MYO18B: variants seen among roughly 807,000 people sequenced by gnomAD.
MYO18B encodes myosin XVIIIB.
MYO18B carries 204 observed loss-of-function variants against 273.0 expected under a neutral mutation model. That is an observed-to-expected ratio of 0.75 (90% CI 0.67 to 0.84). The LOEUF is 0.84. Ranked by LOEUF, MYO18B falls within the 40% of genes least tolerant of loss-of-function variation. The pLI is 0.00. For synonymous variants in MYO18B, 1,330 were observed against 1,305.7 expected, an observed-to-expected ratio of 1.02 and a Z score of -0.40; for missense variants, 3,212 against 3,287.6, an observed-to-expected ratio of 0.98 and a Z score of 0.56.
chr22:25,826,668 G>A (rs1041325395), intron 14 of MYO18B, among the ~76,000 whole-genome samples, 169 bp downstream of exon 14: 6 of 152,160 alleles, frequency 3.9e-5, no homozygotes, highest in Admixed American at 2.6e-4. Flanking sequence ...CTGTGAGGTC[G>A]GCAAATCAGT....
chr22:25,891,248 G>T, intron 26 of MYO18B, 56 bp from the exon 27 acceptor site: 1 of 1,291,820 alleles, frequency 7.7e-7, no homozygotes, highest in South Asian at 1.3e-5. Flanking sequence ...TGGGTAAGAT[G>T]ACCAGCCCAT....
intron 39 of MYO18B, among the ~76,000 whole-genome samples, chr22:25,970,470 C>T (rs1415888623): frequency 6.6e-6 from 1 of 152,164 alleles, no homozygotes; most frequent in South Asian, 2.1e-4. Flanking sequence ...CATTGGAATT[C>T]TGCCTTCTCC....
chr22:26,035,352 C>G (rs961824885), downstream of MYO18B, among the ~76,000 whole-genome samples: 2 of 152,198 alleles, frequency 1.3e-5, no homozygotes, highest in African/African-American at 4.8e-5. Context: ...AGGAGAGACT[C>G]CTGCTGTCAG....
intron 42 of MYO18B, 99 bp downstream of exon 42, chr22:26,004,954 C>A: frequency 6.9e-7 from 1 of 1,456,738 alleles, no homozygotes; most frequent in Non-Finnish European, 9.4e-7. Context: ...CTGGCATAGG[C>A]AAAAACAAGC....
At chr22:25,895,120 G>A in intron 27 of MYO18B, 36 bp from the exon 28 acceptor site, 1 of 1,601,908 alleles carries the variant, frequency 6.2e-7, no homozygotes, top group Non-Finnish European at 8.5e-7. Flanking sequence ...CACTCATTTG[G>A]CCTCTTATCC....
At chr22:26,000,257 C>T (rs1042855464) in intron 40 of MYO18B, among the ~76,000 whole-genome samples, 1 of 150,234 alleles carries the variant, frequency 6.7e-6, no homozygotes, top group African/African-American at 2.4e-5. Context: ...TTGTAGAATT[C>T]GTTTTTTATA....
intron 36 of MYO18B, among the ~76,000 whole-genome samples, chr22:25,948,988 G>A (rs2092760921): frequency 1.3e-5 from 2 of 152,068 alleles, no homozygotes. Flanking sequence ...GGCCTGTGAT[G>A]GTGCATTGGA....
chr22:25,831,533 C>T (rs1414646700), intron 15 of MYO18B, among the ~76,000 whole-genome samples: 1 of 152,146 alleles, frequency 6.6e-6, no homozygotes, highest in Non-Finnish European at 1.5e-5. Context: ...CAGGCACCTG[C>T]CACCACGCCT....
chr22:25,822,826 G>C (rs1017124092), intron 12 of MYO18B, among the ~76,000 whole-genome samples: 1 of 152,220 alleles, frequency 6.6e-6, no homozygotes, highest in East Asian at 1.9e-4. Context: ...AAACGTGACT[G>C]GGGGGACTAC....
chr22:25,802,258 C>A (rs182027617), intron 12 of MYO18B, among the ~76,000 whole-genome samples: 3 of 152,146 alleles, frequency 2.0e-5, no homozygotes, highest in African/African-American at 7.2e-5. Context: ...AGGAACAGGG[C>A]AAGGGATGGG....
chr22:25,773,437 G>GT (rs2086797776), intron 7 of MYO18B, among the ~76,000 whole-genome samples: 1 of 152,148 alleles, frequency 6.6e-6, no homozygotes, highest in Non-Finnish European at 1.5e-5. Context: ...TTCACTCTGA[G>GT]TGGGATGGCA....
At position 25,948,841 on chromosome 22, in the gene MYO18B, T is replaced by C. The variant is rs114855186; in HGVS notation, c.5748+1013T>C. ...ACAATTCTGCAAATCCTGACCTAGGTTGGGAGTCAGGAAGGGCTTCCCAGA... is the reference window on the plus strand; with the variant it reads ...ACAATTCTGCAAATCCTGACCTAGGCTGGGAGTCAGGAAGGGCTTCCCAGA... On this transcript the variant is annotated intron_variant, in intron 36 of 43. Coordinates refer to ENST00000335473, the MANE Select transcript of MYO18B (RefSeq NM_032608.7). Among the ~76,000 whole-genome samples, 1,355 of 151,952 alleles carry C rather than the reference T, an allele frequency of 8.9e-3. 24 individuals are homozygous for C. Among genetic ancestry groups the C allele is most frequent in the African/African-American group, 0.03 (1,256 of 41,442 alleles).
At chr22:25,908,887 T>C (rs748433301) in intron 32 of MYO18B, among the ~76,000 whole-genome samples, 2 of 152,210 alleles carry the variant, frequency 1.3e-5, no homozygotes, top group Non-Finnish European at 2.9e-5. Context: ...ATTTTAAGTG[T>C]TCTTTTATAG....
chr22:26,044,306 G>C, the MYO18B span, among the ~76,000 whole-genome samples: 1 of 152,292 alleles, frequency 6.6e-6, no homozygotes, highest in Non-Finnish European at 1.5e-5. Flanking sequence ...GATGTAGTTT[G>C]ATGAGCAGAT....
intron 34 of MYO18B, among the ~76,000 whole-genome samples, chr22:25,929,655 G>T (rs540795265): frequency 1.1e-4 from 16 of 152,184 alleles, no homozygotes; most frequent in Admixed American, 9.8e-4. Context: ...CTCTTTAGTC[G>T]TTTACTTAAT....
At chr22:26,004,937 A>G in intron 42 of MYO18B, 82 bp downstream of exon 42, 1 of 1,560,404 alleles carries the variant, frequency 6.4e-7, no homozygotes, top group East Asian at 2.3e-5. Flanking sequence ...CAAGTCTTTC[A>G]TTGTCTCTGG....
the MYO18B span, among the ~76,000 whole-genome samples, chr22:26,036,135 C>T: frequency 3.9e-5 from 6 of 152,154 alleles, no homozygotes; most frequent in Admixed American, 1.3e-4. Flanking sequence ...TGGATGCAGC[C>T]GTAGAAGGCT....
At chr22:25,799,299 T>C (rs560964868) in intron 12 of MYO18B, among the ~76,000 whole-genome samples, 1 of 152,256 alleles carries the variant, frequency 6.6e-6, no homozygotes, top group South Asian at 2.1e-4. Context: ...AGGCTCTCCC[T>C]TGCCTCCAAG....
intron 19 of MYO18B, 58 bp downstream of exon 19, chr22:25,846,341 C>T (rs760138498): frequency 4.4e-5 from 69 of 1,568,796 alleles, no homozygotes; most frequent in Non-Finnish European, 5.5e-5. Flanking sequence ...TCCTCATCTC[C>T]TCTGGGCTGA....
Sources: gnomAD v4.1 joint callset for allele counts (sites outside exome capture counted in the v4.1 genomes callset) on GRCh38, gnomAD v4.1.1 for gene constraint, MANE v1.5 for transcripts, NCBI Gene and HGNC (gene_info 2026-07-23, HGNC 2026-07-21) for gene names.